NF1: variants seen among roughly 807,000 people sequenced by gnomAD.
NF1 encodes neurofibromin.
NF1 carries 122 observed loss-of-function variants against 325.7 expected under a neutral mutation model. The ratio of observed to expected loss-of-function variants is 0.37; its 90% CI spans 0.32 to 0.44. The LOEUF is 0.44. NF1 is among the 20% of genes least tolerant of loss of function. The pLI is 1.00. For synonymous variants in NF1, 1,091 were observed against 1,186.0 expected (o/e 0.92, Z 1.65); for missense variants, 2,140 against 3,415.4 (o/e 0.63, Z 9.31).
intron 14 of NF1, 46 bp from the exon 15 acceptor site, chr17:31,221,803 GT>G: frequency 7.3e-7 from 1 of 1,367,170 alleles, no homozygotes; most frequent in Non-Finnish European, 1.0e-6. Context: ...TACCAAAAAT[GT>G]TTGAGTGAGT....
At chr17:31,298,434 T>A (rs1026534830) in intron 36 of NF1, among the ~76,000 whole-genome samples, 2 of 152,160 alleles carry the variant, frequency 1.3e-5, no homozygotes, top group Admixed American at 1.3e-4. Flanking sequence ...TATGCCTTGT[T>A]ACTAAATCGT....
At chr17:31,228,963 A>G in intron 20 of NF1, 62 bp from the exon 21 acceptor site, 1 of 1,323,992 alleles carries the variant, frequency 7.6e-7, no homozygotes, top group Non-Finnish European at 1.1e-6. Flanking sequence ...ATAAAGCATA[A>G]TTTGTCAAGT....
chr17:31,201,009 C>T, intron 9 of NF1, 28 bp from the exon 10 acceptor site: 1 of 1,612,268 alleles, frequency 6.2e-7, no homozygotes, highest in Non-Finnish European at 8.5e-7. Flanking sequence ...TATTTAAAGG[C>T]TTTTGTTTTC....
chr17:31,228,383 C>A (rs2067052307), intron 20 of NF1, among the ~76,000 whole-genome samples: 1 of 152,032 alleles, frequency 6.6e-6, no homozygotes, highest in African/African-American at 2.4e-5. Context: ...GTACCTAATA[C>A]CTTTATTTGG....
At chr17:31,361,081 C>CAAAAAAAAAAAAAAAAAAAAA (rs60249232) in intron 57 of NF1, 17 of 46,546 alleles carry the variant, frequency 3.7e-4, no homozygotes, top group Non-Finnish European at 4.6e-4. Context: ...CATACTATAT[C>CAAAAAAAAAAAAAAAAAAAAA]AAAAAAAAAA....
intron 12 of NF1, among the ~76,000 whole-genome samples, chr17:31,213,927 G>A (rs2066774293): frequency 1.3e-5 from 2 of 152,030 alleles, no homozygotes; most frequent in African/African-American, 4.8e-5. Context: ...CTAAAATTGG[G>A]AATGTATCTT....
chr17:31,316,971 A>C (rs1392337089), intron 36 of NF1, among the ~76,000 whole-genome samples: 4 of 152,172 alleles, frequency 2.6e-5, no homozygotes, highest in Admixed American at 1.3e-4. Flanking sequence ...ACCCCATTCC[A>C]GTTGCATCAG....
intron 29 of NF1, among the ~76,000 whole-genome samples, chr17:31,239,221 C>G (rs960700042): frequency 1.3e-5 from 2 of 151,964 alleles, no homozygotes; most frequent in Non-Finnish European, 2.9e-5. Context: ...GTAATGTAAG[C>G]AGAGACATGG....
intron 34 of NF1, among the ~76,000 whole-genome samples, chr17:31,261,471 A>C (rs950250269): frequency 3.9e-5 from 6 of 152,154 alleles, no homozygotes; most frequent in African/African-American, 1.4e-4. Context: ...CATTCACGGG[A>C]AAAGTAGTGG....
chr17:31,142,967 A>C lies in NF1; in HGVS notation c.61-13016A>C, dbSNP rs140571224. On this transcript the variant is annotated intron_variant, in intron 1 of 57. Transcript: ENST00000358273. ...CTTGTTTCTTGAAGTTTTTCCAATA[A>C]ATATTCTTATTAATAGGCAAGACAA... Among the ~76,000 whole-genome samples, 1,444 of 152,168 alleles carry C rather than the reference A, an allele frequency of 9.5e-3. 24 individuals carry two copies. The highest frequency in any genetic ancestry group is 0.033 in the African/African-American group (1,360 of 41,514).
intron 8 of NF1, chr17:31,183,034 A>G (rs919092413): frequency 1.5e-5 from 8 of 518,260 alleles, no homozygotes; most frequent in African/African-American, 1.1e-4. Context: ...TACTTAGGGT[A>G]TGTGTCCATA....
At chr17:31,117,872 A>G (rs999940909) in intron 1 of NF1, among the ~76,000 whole-genome samples, 19 of 152,132 alleles carry the variant, frequency 1.2e-4, no homozygotes, top group South Asian at 2.1e-4. Flanking sequence ...CCAAATCATG[A>G]TATGTATTTT....
intron 36 of NF1, among the ~76,000 whole-genome samples, chr17:31,265,581 G>A (rs892394579): frequency 7.9e-5 from 12 of 151,552 alleles, no homozygotes; most frequent in African/African-American, 2.7e-4. Context: ...TTAAAATACT[G>A]CCTGCAATGG....
rs556487008 is a variant in NF1, at chr17:31,255,283, A to C, written c.4173+2283A>C. Among the ~76,000 whole-genome samples the C allele has an allele frequency of 3.9e-5, 6 of 152,262 alleles. No homozygotes were observed. In the South Asian group the frequency reaches 1.2e-3, roughly 32 times the overall value. ...CATTTGGCTGATAACTGGTCTCAAC[A>C]CACAGACTGGCCCAAGTTTGACCTT... On this transcript the variant is annotated intron_variant, in intron 31 of 57. Transcript: ENST00000358273.
intron 1 of NF1, among the ~76,000 whole-genome samples, chr17:31,144,052 T>C (rs1916418106): frequency 6.6e-6 from 1 of 152,048 alleles, no homozygotes; most frequent in Non-Finnish European, 1.5e-5. Flanking sequence ...CTTGATCTCC[T>C]GACCTCGTGA....
rs587782700 is a variant in NF1, at chr17:31,374,009, C to T, written c.8378-4C>T. ...AAGTAACTGGCTGTTCTCTTTTTCT[C>T]CAGGAATCGACAAGGAGAACGTTGA... On this transcript the variant is annotated splice_region_variant and splice_polypyrimidine_tract_variant and intron_variant, in intron 57 of 57. Coordinates refer to ENST00000358273, the MANE Select transcript of NF1 (RefSeq NM_001042492.3). 5.0e-6 allele frequency: 8 copies of T among 1,613,814 alleles called. No individual in the cohort carries two copies. Among genetic ancestry groups the T allele is most frequent in the Admixed American group, 1.7e-5 (1 of 59,964 alleles).
chr17:31,205,872 C>T (rs1010756349), intron 11 of NF1, among the ~76,000 whole-genome samples: 8 of 150,568 alleles, frequency 5.3e-5, no homozygotes, highest in Non-Finnish European at 1.0e-4. Context: ...CATGTATGCA[C>T]GTGTGCCAGA....
chr17:31,167,248 G>C (rs771348198), intron 4 of NF1, among the ~76,000 whole-genome samples: 1 of 152,188 alleles, frequency 6.6e-6, no homozygotes, highest in African/African-American at 2.4e-5. Flanking sequence ...TGCAGCAGCT[G>C]TGGAATTTTT....
At chr17:31,105,526 T>A (rs1222202519) in intron 1 of NF1, among the ~76,000 whole-genome samples, 1 of 152,144 alleles carries the variant, frequency 6.6e-6, no homozygotes, top group Non-Finnish European at 1.5e-5. Flanking sequence ...ATAACTTTTT[T>A]TTTTTGAGAT....
Sources: gnomAD v4.1 joint callset for allele counts (sites outside exome capture counted in the v4.1 genomes callset) on GRCh38, gnomAD v4.1.1 for gene constraint, MANE v1.5 for transcripts, NCBI Gene and HGNC (gene_info 2026-07-23, HGNC 2026-07-21) for gene names.